The following TFDP2 variants were observed in gnomAD, a reference collection of about 807,000 sequenced individuals.
TFDP2 encodes the protein transcription factor Dp-2 (E2F dimerization partner 2).
A neutral mutation model predicts 59.3 loss-of-function variants in TFDP2; 17 were observed. That is an observed-to-expected ratio of 0.29 (90% CI 0.20 to 0.43). The LOEUF (loss-of-function observed/expected upper bound fraction) is 0.43, where lower values mean the gene tolerates loss of function less well. Ranked by LOEUF, TFDP2 falls within the 20% of genes least tolerant of loss-of-function variation. TFDP2 has a pLI of 1.00. For synonymous variants in TFDP2, 180 were observed against 194.7 expected (o/e 0.92, Z 0.63); for missense variants, 391 against 528.8 (o/e 0.74, Z 2.56).
intron 3 of TFDP2, among the ~76,000 whole-genome samples, chr3:142,031,071 C>T (rs1269985953): frequency 1.3e-5 from 2 of 151,900 alleles, no homozygotes; most frequent in African/African-American, 4.8e-5. Context: ...TAGGAGAGCA[C>T]CCCCCCGGCC....
chr3:142,042,555 C>T (rs1007788035), intron 3 of TFDP2, among the ~76,000 whole-genome samples: 2 of 151,808 alleles, frequency 1.3e-5, no homozygotes, highest in African/African-American at 4.8e-5. Flanking sequence ...GCCTCAGCCT[C>T]CCAAAGTGCT....
At chr3:142,092,990 G>T in intron 3 of TFDP2, 71 bp downstream of exon 3, 1 of 1,000,054 alleles carries the variant, frequency 1.0e-6, no homozygotes, top group Non-Finnish European at 1.5e-6. Flanking sequence ...AATTCATGTA[G>T]CTGCATATTT....
chr3:141,966,568 C>T (rs1463606850), intron 9 of TFDP2, among the ~76,000 whole-genome samples: 1 of 151,694 alleles, frequency 6.6e-6, no homozygotes, highest in East Asian at 1.9e-4. Flanking sequence ...TTTGAACTGA[C>T]TTATTTGTTG....
chr3:142,063,955 A>G (rs2059996789), intron 3 of TFDP2, among the ~76,000 whole-genome samples: 1 of 151,816 alleles, frequency 6.6e-6, no homozygotes, highest in Non-Finnish European at 1.5e-5. Flanking sequence ...TTTGGTTTTT[A>G]GTTTTTTTCT....
intron 1 of TFDP2, among the ~76,000 whole-genome samples, chr3:142,132,412 A>C (rs760280123): frequency 6.7e-6 from 1 of 150,030 alleles, no homozygotes; most frequent in Non-Finnish European, 1.5e-5. Context: ...TAAATATACT[A>C]AACAACCACA....
At chr3:142,062,203 A>G (rs2059939445) in intron 3 of TFDP2, among the ~76,000 whole-genome samples, 2 of 152,182 alleles carry the variant, frequency 1.3e-5, no homozygotes, top group Non-Finnish European at 2.9e-5. Context: ...GTAAGAATAC[A>G]GTACACAATC....
intron 3 of TFDP2, among the ~76,000 whole-genome samples, chr3:142,017,681 T>A (rs1576722478): frequency 6.8e-6 from 1 of 146,754 alleles, no homozygotes; most frequent in South Asian, 2.2e-4. Context: ...GCCTCCTGAG[T>A]AGCTTGGATT....
chr3:142,082,996 A>G (rs1027799433), intron 3 of TFDP2, among the ~76,000 whole-genome samples: 1 of 152,244 alleles, frequency 6.6e-6, no homozygotes, highest in Non-Finnish European at 1.5e-5. Flanking sequence ...GTTATTCAGT[A>G]TAGTACTGGA....
At chr3:141,957,306 G>A (rs1936809960) in intron 11 of TFDP2, among the ~76,000 whole-genome samples, 1 of 152,194 alleles carries the variant, frequency 6.6e-6, no homozygotes, top group Admixed American at 6.5e-5. Flanking sequence ...GACAGAGTGA[G>A]ACTCCGTCTC....
At chr3:141,955,231 T>C (rs1448162898) in intron 11 of TFDP2, among the ~76,000 whole-genome samples, 1 of 152,218 alleles carries the variant, frequency 6.6e-6, no homozygotes, top group Non-Finnish European at 1.5e-5. Context: ...ACAATGGTTC[T>C]CACACTCCCA....
chr3:142,065,153 GAT>G (rs1491402865), intron 3 of TFDP2, among the ~76,000 whole-genome samples: 1 of 36,904 alleles, frequency 2.7e-5, no homozygotes, highest in Non-Finnish European at 4.6e-5. Context: ...AGATCATTAA[GAT>G]TTTTTTTTTT....
chr3:142,042,492 G>T (rs571588778), intron 3 of TFDP2, among the ~76,000 whole-genome samples: 2 of 151,758 alleles, frequency 1.3e-5, no homozygotes, highest in African/African-American at 4.8e-5. Flanking sequence ...TAGAGACGGG[G>T]TTTCACCATG....
Position 141,978,516 on chromosome 3 carries a change from A to G in TFDP2, c.519+4T>C, listed in dbSNP as rs1441404584. On this transcript the variant is annotated splice_donor_region_variant and intron_variant, in intron 7 of 12. Transcript: ENST00000489671. ...AATCAATGTCAGGTTCATGATTTAC[A>G]TACCGAATCAGCAGCCAAATGGTTA... is the stretch of plus-strand genomic sequence containing the variant. The G allele has an allele frequency of 6.2e-6, 10 of 1,604,762 alleles. No individual in the cohort carries two copies. Among genetic ancestry groups the G allele is most frequent in the Non-Finnish European group, 8.5e-6 (10 of 1,177,544 alleles).
chr3:142,121,736 A>ACCTGTAATC lies in TFDP2; in HGVS notation c.-92-19904_-92-19896dup, dbSNP rs2062053864. 6.6e-6 allele frequency among the ~76,000 whole-genome samples: 1 copy of ACCTGTAATC among 152,046 alleles called. No homozygotes were observed. Among genetic ancestry groups the ACCTGTAATC allele is most frequent in the African/African-American group, 2.4e-5 (1 of 41,408 alleles). On this transcript the variant is annotated intron_variant, in intron 1 of 12. Transcript: ENST00000489671. The surrounding 1 kb of genome is among the most constrained non-coding windows in gnomAD (Gnocchi z 4.3). Reference sequence around the variant, plus strand: ...GATATGAAGTTTAAAAAAGGCTCACACCTGTAATCCCAGCACTTCTGGGAT... The same window carrying ACCTGTAATC: ...GATATGAAGTTTAAAAAAGGCTCACACCTGTAATCCCTGTAATCCCAGCACTTCTGGGAT...
At chr3:142,003,585 A>G (rs11569193) in intron 4 of TFDP2, among the ~76,000 whole-genome samples, 10,657 of 152,300 alleles carry the variant, frequency 0.07, 471 homozygotes, top group Non-Finnish European at 0.11. Context: ...CAGCAATGGA[A>G]TCTTACAACA....
intron 6 of TFDP2, among the ~76,000 whole-genome samples, chr3:141,991,939 G>A (rs1391442444): frequency 2.6e-5 from 4 of 151,876 alleles, no homozygotes; most frequent in African/African-American, 4.8e-5. Flanking sequence ...CTACTCTGGA[G>A]GCTAAGACAG....
chr3:142,045,892 G>A (rs928363276), intron 3 of TFDP2, among the ~76,000 whole-genome samples: 1 of 151,844 alleles, frequency 6.6e-6, no homozygotes, highest in African/African-American at 2.4e-5. Context: ...CAAAGTGGTG[G>A]GATTACAGGC....
At chr3:141,962,077 T>C (rs1044577573) in intron 10 of TFDP2, among the ~76,000 whole-genome samples, 2 of 151,930 alleles carry the variant, frequency 1.3e-5, no homozygotes, top group Non-Finnish European at 2.9e-5. Context: ...GCCTCCCGAG[T>C]AGCTGGGATT....
chr3:141,978,595 T>A lies in TFDP2; in HGVS notation c.444A>T (p.Thr148=). Residue 148 remains threonine (T), a synonymous_variant, in exon 7 of 13, where the codon ACA becomes ACT. Coordinates refer to ENST00000489671, the MANE Select transcript of TFDP2 (RefSeq NM_001178139.2). ...CATCAGCGACTTCATTGTACGATGT[T>A]GTACCTTTTCGTTGAACTTTCTCAC... ...KVCEKVQRKG[T]TSYNEVADEL... 1 of 1,613,934 alleles carries A rather than the reference T, an allele frequency of 6.2e-7. No individual in the cohort carries two copies. Among genetic ancestry groups the A allele is most frequent in the Non-Finnish European group, 8.5e-7 (1 of 1,179,960 alleles).
Sources: allele counts gnomAD v4.1 joint callset (sites outside exome capture counted in the v4.1 genomes callset), GRCh38; gene constraint gnomAD v4.1.1; non-coding constraint Gnocchi (gnomAD v3.1); transcripts MANE v1.5; gene names NCBI Gene and HGNC (gene_info 2026-07-23, HGNC 2026-07-21).